PALLD: variants seen among roughly 807,000 people sequenced by gnomAD.
PALLD encodes palladin.
Under a neutral mutation model 123.5 loss-of-function variants are expected in PALLD, and 61 were observed. That is an observed-to-expected ratio of 0.49 (90% CI 0.40 to 0.61). The LOEUF (loss-of-function observed/expected upper bound fraction) is 0.61, where lower values mean the gene tolerates loss of function less well. Among genes scored for constraint, PALLD ranks in the 20% least tolerant of loss-of-function variants. The probability of loss-of-function intolerance (pLI) is 0.00; values close to 1 mark genes in which losing one functional copy is unlikely to be tolerated. For missense variants in PALLD, 1,273 were observed against 1,377.0 expected (o/e 0.92, Z 1.20); for synonymous variants, 465 against 496.4 (o/e 0.94, Z 0.84).
intron 2 of PALLD, among the ~76,000 whole-genome samples, chr4:168,548,288 C>T (rs1387474011): frequency 6.6e-6 from 1 of 150,934 alleles, no homozygotes; most frequent in African/African-American, 2.4e-5. Context: ...GGAAGAGGCT[C>T]TTCCTTACTT....
intron 10 of PALLD, among the ~76,000 whole-genome samples, chr4:168,853,485 A>G (rs1203228562): frequency 1.3e-5 from 2 of 152,200 alleles, no homozygotes; most frequent in African/African-American, 4.8e-5. Context: ...GATGCTGCGA[A>G]AAAAATGTGC....
chr4:168,761,654 T>TTTTTTTTTTTTTTTTTTTTTTTTTG (rs1732913577), intron 10 of PALLD, among the ~76,000 whole-genome samples: 1 of 38,792 alleles, frequency 2.6e-5, no homozygotes, highest in African/African-American at 1.1e-4. Context: ...TGTTTTTTTT[T>TTTTTTTTTTTTTTTTTTTTTTTTTG]TTTTTTTTTT....
intron 8 of PALLD, among the ~76,000 whole-genome samples, chr4:168,698,823 A>G (rs1238137033): frequency 6.6e-6 from 1 of 152,116 alleles, no homozygotes; most frequent in African/African-American, 2.4e-5. Context: ...AAACTAAAGA[A>G]TGCATTTTTT....
intron 3 of PALLD, among the ~76,000 whole-genome samples, chr4:168,669,933 C>T (rs146601352): frequency 6.6e-6 from 1 of 152,166 alleles, no homozygotes; most frequent in East Asian, 1.9e-4. Context: ...ATAATTTGAA[C>T]CAAGACAGTC....
At chr4:168,819,314 G>A (rs1175588563) in intron 10 of PALLD, among the ~76,000 whole-genome samples, 1 of 146,390 alleles carries the variant, frequency 6.8e-6, no homozygotes, top group Non-Finnish European at 1.5e-5. Context: ...AACTGCAGAG[G>A]CTCCGAGACC....
chr4:168,673,192 G>A (rs902481985), intron 3 of PALLD, among the ~76,000 whole-genome samples: 1 of 152,160 alleles, frequency 6.6e-6, no homozygotes, highest in Non-Finnish European at 1.5e-5. Flanking sequence ...ATCACTGCAC[G>A]AACACTCCAG....
intron 10 of PALLD, among the ~76,000 whole-genome samples, chr4:168,879,737 G>A (rs1256558847): frequency 6.6e-6 from 1 of 152,180 alleles, no homozygotes; most frequent in Non-Finnish European, 1.5e-5. Flanking sequence ...GTGAAACACA[G>A]TCCAATGAAT....
chr4:168,815,916 G>A (rs1271977056), intron 10 of PALLD, among the ~76,000 whole-genome samples: 2 of 152,238 alleles, frequency 1.3e-5, no homozygotes, highest in Admixed American at 6.5e-5. Flanking sequence ...TGGGAAAATC[G>A]CTCACTCTTA....
intron 10 of PALLD, among the ~76,000 whole-genome samples, chr4:168,807,500 C>T (rs1282761090): frequency 6.6e-6 from 1 of 151,784 alleles, no homozygotes; most frequent in African/African-American, 2.4e-5. Flanking sequence ...ACCTCCGCCT[C>T]GTGGGTTCGT....
chr4:168,888,239 T>TA (rs1581920189), intron 10 of PALLD, among the ~76,000 whole-genome samples: 1 of 152,352 alleles, frequency 6.6e-6, no homozygotes, highest in East Asian at 1.9e-4. Context: ...AGTCTAGTGT[T>TA]ACCTTATTTG....
At chr4:168,854,035 T>C (rs1197370520) in intron 10 of PALLD, among the ~76,000 whole-genome samples, 4 of 152,208 alleles carry the variant, frequency 2.6e-5, no homozygotes, top group Admixed American at 1.3e-4. Context: ...AGCCCTACTC[T>C]GTGGGTTCTA....
intron 15 of PALLD, 191 bp downstream of exon 15, chr4:168,904,097 C>T: frequency 1.6e-6 from 1 of 610,628 alleles, no homozygotes; most frequent in East Asian, 2.9e-5. Flanking sequence ...TTATTTATTC[C>T]ATCAGGTGTT....
At chr4:168,766,598 T>G (rs1378317607) in intron 10 of PALLD, among the ~76,000 whole-genome samples, 1 of 152,234 alleles carries the variant, frequency 6.6e-6, no homozygotes, top group African/African-American at 2.4e-5. Flanking sequence ...CAAGCCATGA[T>G]GGGCATCTGT....
Position 168,590,864 on chromosome 4 carries a change from G to GTTT in PALLD, c.909-77296_909-77294dup, listed in dbSNP as rs371992201. Among the ~76,000 whole-genome samples, 48 of 70,196 alleles carry GTTT rather than the reference G, an allele frequency of 6.8e-4. 1 individual carries two copies. The highest frequency in any genetic ancestry group is 9.3e-4 in the Non-Finnish European group (37 of 39,596). The allele number at this position is 70,196 out of a possible 152,430, so 46.1% of individuals were successfully genotyped here. A position where few individuals can be genotyped will look rare whatever the true frequency, so the allele number is the denominator to read the frequency against. ...CTTTACTCAGAAGGGGACCTAGAAA[G>GTTT]TTTTTTTTTTTTTTTTTTTTTTTTT... On this transcript the variant is annotated intron_variant, in intron 2 of 21. Transcript: ENST00000505667.
chr4:168,578,859 T>G (rs1769932336), intron 2 of PALLD, among the ~76,000 whole-genome samples: 1 of 152,098 alleles, frequency 6.6e-6, no homozygotes, highest in African/African-American at 2.4e-5. Flanking sequence ...TTAAACCTAT[T>G]ACTTCCCAAA....
chr4:168,504,331 C>G (rs1255439087), intron 1 of PALLD, among the ~76,000 whole-genome samples: 1 of 152,184 alleles, frequency 6.6e-6, no homozygotes, highest in Non-Finnish European at 1.5e-5. Context: ...CATGGTGGCT[C>G]ACACCTGTAA....
At chr4:168,499,368 G>C (rs1042864327) in intron 1 of PALLD, among the ~76,000 whole-genome samples, 1 of 113,092 alleles carries the variant, frequency 8.8e-6, no homozygotes, top group Non-Finnish European at 1.8e-5. Context: ...GGGGAGGGAG[G>C]AAGGGAGGGA....
At chr4:168,536,787 T>A (rs1291768477) in intron 2 of PALLD, among the ~76,000 whole-genome samples, 1 of 151,730 alleles carries the variant, frequency 6.6e-6, no homozygotes, top group Non-Finnish European at 1.5e-5. Flanking sequence ...GAGATTTAGG[T>A]GGAGACACAA....
At chr4:168,893,143 G>T (rs1754421344) in intron 11 of PALLD, among the ~76,000 whole-genome samples, 1 of 152,152 alleles carries the variant, frequency 6.6e-6, no homozygotes, top group Admixed American at 6.5e-5. Context: ...TGCTTATAAG[G>T]AACAGAGTGA....
Sources: gnomAD v4.1 joint callset for allele counts (sites outside exome capture counted in the v4.1 genomes callset) on GRCh38, gnomAD v4.1.1 for gene constraint, MANE v1.5 for transcripts, NCBI Gene and HGNC (gene_info 2026-07-23, HGNC 2026-07-21) for gene names.